The following SPINT2 variants were observed in gnomAD, a reference collection of about 807,000 sequenced individuals.
The protein encoded by SPINT2 is kunitz-type protease inhibitor 2.
SPINT2 carries 18 observed loss-of-function variants against 30.1 expected under a neutral mutation model. The observed-to-expected ratio is 0.60, with a 90% confidence interval of 0.41 to 0.89. SPINT2 has a LOEUF of 0.89. Ranked by LOEUF, SPINT2 falls within the 40% of genes least tolerant of loss-of-function variation. The pLI, the probability that SPINT2 is intolerant of heterozygous loss-of-function variation, is 0.00. For missense variants in SPINT2, 276 were observed against 334.3 expected, an observed-to-expected ratio of 0.83 and a Z score of 1.36; for synonymous variants, 139 against 137.9, an observed-to-expected ratio of 1.01 and a Z score of -0.05.
At chr19:38,279,206 AT>A (rs35501271) in intron 1 of SPINT2, among the ~76,000 whole-genome samples, 16,172 of 148,666 alleles carry the variant, frequency 0.11, 1,208 homozygotes, top group East Asian at 0.37. Context: ...AAAAAAAAAA[AT>A]TTTTTTTTTG....
chr19:38,281,743 TTAAGTA>T (rs1259035710), intron 1 of SPINT2, among the ~76,000 whole-genome samples: 1 of 152,030 alleles, frequency 6.6e-6, no homozygotes, highest in African/African-American at 2.4e-5. Context: ...ATCACTCGTT[TTAAGTA>T]TATCATCCAA....
chr19:38,290,758 G>A lies in SPINT2; in HGVS notation c.592+183G>A. ...GTCCCACCGTTCAGTGTACACAGTTGGGGCTGGAGTGAGTCAGTCACAAGG... is the reference window on the plus strand; with the variant it reads ...GTCCCACCGTTCAGTGTACACAGTTAGGGCTGGAGTGAGTCAGTCACAAGG... On this transcript the variant is annotated intron_variant, in intron 6 of 6. Coordinates refer to ENST00000301244, the MANE Select transcript of SPINT2 (RefSeq NM_021102.4). This position sits in a 1 kb window ranked among gnomAD's most constrained non-coding sequence, Gnocchi z 4.3. 1.2e-6 allele frequency: 1 copy of A among 869,090 alleles called. No homozygotes were observed. The highest frequency in any genetic ancestry group is 1.8e-6 in the Non-Finnish European group (1 of 552,446). 53.8% of individuals were successfully genotyped at this position (869,090 alleles called of 1,614,324 possible).
rs966947461 is a variant in SPINT2, at chr19:38,280,721, A to T, written c.107-2906A>T. ...GAAGTTACCGAATTCCTGCCATGAT[A>T]CTGTGGGTCACCCTGCTTCATTCTC... On this transcript the variant is annotated intron_variant, in intron 1 of 6. Coordinates refer to ENST00000301244, the MANE Select transcript of SPINT2 (RefSeq NM_021102.4). 2.0e-5 allele frequency among the ~76,000 whole-genome samples: 3 copies of T among 147,556 alleles called. No homozygotes were observed. The Admixed American group carries it at 2.0e-4, about 10-fold the overall frequency.
At chr19:38,265,076 G>C in intron 1 of SPINT2, 78 bp downstream of exon 1, 3 of 1,159,130 alleles carry the variant, frequency 2.6e-6, no homozygotes, top group Admixed American at 2.6e-5. Context: ...TGAGCAGGGA[G>C]AACTGGCGGG....
At chr19:38,286,787 C>T (rs542568102) in intron 2 of SPINT2, among the ~76,000 whole-genome samples, 6 of 152,020 alleles carry the variant, frequency 3.9e-5, no homozygotes, top group East Asian at 3.9e-4. Context: ...CGTTTCAAAA[C>T]GAAAAATTTG....
Position 38,290,338 on chromosome 19 carries a change from C to T in SPINT2, c.553+58C>T, listed in dbSNP as rs1968701999. 2 of 1,593,708 alleles carry T rather than the reference C, an allele frequency of 1.3e-6. No homozygotes were observed. Among genetic ancestry groups the T allele is most frequent in the African/African-American group, 1.3e-5 (1 of 74,442 alleles). ...TGCCCTTGAGGACCCCGGTCCATCT[C>T]CCCATCCCTAAAATATGAAGGCCTT... On this transcript the variant is annotated intron_variant, in intron 5 of 6. Transcript: ENST00000301244. This position sits in a 1 kb window ranked among gnomAD's most constrained non-coding sequence, Gnocchi z 4.3.
chr19:38,270,806 T>C (rs1333550773), intron 1 of SPINT2, among the ~76,000 whole-genome samples: 1 of 152,224 alleles, frequency 6.6e-6, no homozygotes, highest in Non-Finnish European at 1.5e-5. Context: ...GTTTGCCATG[T>C]CTGGAGGCTA....
At chr19:38,289,737 C>T (rs1025982056) in intron 4 of SPINT2, 11 of 330,380 alleles carry the variant, frequency 3.3e-5, no homozygotes, top group South Asian at 2.2e-4. Context: ...TAGCCTGGCA[C>T]GTGGCTCTGC....
chr19:38,269,830 T>C (rs4803968), intron 1 of SPINT2, among the ~76,000 whole-genome samples: 115,557 of 142,308 alleles, frequency 0.81, 47,407 homozygotes, highest in African/African-American at 0.95. Context: ...AGGATGGTCT[T>C]GATCTCCTGA....
intron 6 of SPINT2, 49 bp from the exon 7 acceptor site, chr19:38,291,791 T>C (rs766226705): frequency 8.7e-6 from 14 of 1,601,674 alleles, no homozygotes; most frequent in Non-Finnish European, 1.7e-6. Flanking sequence ...CCACTCTGGC[T>C]GCAACTCCCC....
Position 38,265,026 on chromosome 19 carries a change from C to T in SPINT2, c.106+28C>T, listed in dbSNP as rs1382362579. ...GAGGGCCGGGCGGGTAGGCTGGAGG[C>T]GGGGCGCAGGGGGCAGAGGCTCGGG... is the stretch of plus-strand genomic sequence containing the variant. On this transcript the variant is annotated intron_variant, in intron 1 of 6. Transcript: ENST00000301244. 3.2e-6 allele frequency: 4 copies of T among 1,244,642 alleles called. No individual in the cohort carries two copies. In the South Asian group the frequency reaches 9.0e-5, roughly 28 times the overall value. 77.1% of individuals were successfully genotyped at this position (1,244,642 alleles called of 1,614,324 possible).
At chr19:38,277,546 A>T (rs1238121108) in intron 1 of SPINT2, among the ~76,000 whole-genome samples, 2 of 152,070 alleles carry the variant, frequency 1.3e-5, no homozygotes, top group Non-Finnish European at 2.9e-5. Context: ...AGTACTTGGG[A>T]CCCCTCAGAA....
At chr19:38,268,604 C>G (rs1025201962) in intron 1 of SPINT2, among the ~76,000 whole-genome samples, 2 of 152,192 alleles carry the variant, frequency 1.3e-5, no homozygotes, top group African/African-American at 4.8e-5. Context: ...AGATCTTACT[C>G]AGCTTGCCTC....
At chr19:38,279,583 A>G (rs1239316092) in intron 1 of SPINT2, among the ~76,000 whole-genome samples, 3 of 152,250 alleles carry the variant, frequency 2.0e-5, no homozygotes, top group Middle Eastern at 3.2e-3. Context: ...CACAGCTTCA[A>G]CAACTACCAA....
intron 1 of SPINT2, among the ~76,000 whole-genome samples, chr19:38,271,541 A>G (rs566440592): frequency 4.0e-5 from 6 of 150,458 alleles, no homozygotes; most frequent in African/African-American, 1.5e-4. Flanking sequence ...ACAAGAGACC[A>G]CCACATGTTT....
intron 2 of SPINT2, among the ~76,000 whole-genome samples, chr19:38,287,187 C>T (rs1968652287): frequency 6.6e-6 from 1 of 152,078 alleles, no homozygotes; most frequent in Admixed American, 6.5e-5. Flanking sequence ...TCACGCCTGG[C>T]TAACTTTTTG....
chr19:38,285,815 G>A (rs1968634154), intron 2 of SPINT2, among the ~76,000 whole-genome samples: 1 of 152,178 alleles, frequency 6.6e-6, no homozygotes, highest in Admixed American at 6.5e-5. Flanking sequence ...GATTCATTAT[G>A]AAGGAGGACT....
Position 38,264,973 on chromosome 19 carries a change from GGCCGACCGAGAACGCA to G in SPINT2, c.84_99del (p.Asp29SerfsTer46). 1 of 1,534,814 alleles carries G rather than the reference GGCCGACCGAGAACGCA, an allele frequency of 6.5e-7. No individual in the cohort carries two copies. Among genetic ancestry groups the G allele is most frequent in the East Asian group, 2.5e-5 (1 of 40,790 alleles). ...CGCTGCTCCTCTCTGGGGTCCTGGC[GGCCGACCGAGAACGCA>G]GCATCCACGGTGAGGGCCGGGCGGG... On this transcript the variant is annotated frameshift_variant, in exon 1 of 7. Transcript: ENST00000301244. LOFTEE classifies it high-confidence loss of function.
At chr19:38,288,956 CAG>C (rs1968676828) in intron 3 of SPINT2, 180 bp from the exon 4 acceptor site, 4 of 623,894 alleles carry the variant, frequency 6.4e-6, no homozygotes, top group Admixed American at 5.1e-5. Context: ...CCAGCACTCT[CAG>C]TGTGTGCGTA....
Sources: allele counts gnomAD v4.1 joint callset (sites outside exome capture counted in the v4.1 genomes callset), GRCh38; gene constraint gnomAD v4.1.1; non-coding constraint Gnocchi (gnomAD v3.1); transcripts MANE v1.5; gene names NCBI Gene and HGNC (gene_info 2026-07-23, HGNC 2026-07-21).